The following ART3 variants were observed in gnomAD, a reference collection of about 807,000 sequenced individuals.
ART3 encodes the protein ADP-ribosyltransferase 3 (inactive), also known as ecto-ADP-ribosyltransferase 3.
A neutral mutation model predicts 48.5 loss-of-function variants in ART3; 49 were observed. That is an observed-to-expected ratio of 1.01 (90% CI 0.80 to 1.28). ART3 has a LOEUF of 1.28. ART3 is among the 50% of genes most tolerant of loss of function. The pLI, the probability that ART3 is intolerant of heterozygous loss-of-function variation, is 0.00. For synonymous variants in ART3, 145 were observed against 157.2 expected (o/e 0.92, Z 0.58); for missense variants, 438 against 454.3 (o/e 0.96, Z 0.33).
chr4:76,042,379 A>G (rs1735050629), intron 1 of ART3, among the ~76,000 whole-genome samples: 1 of 152,236 alleles, frequency 6.6e-6, no homozygotes, highest in Non-Finnish European at 1.5e-5. Context: ...GTTTCCATTT[A>G]TTATAAATAA....
chr4:76,022,434 A>G (rs1732935733), intron 1 of ART3: 2 of 1,613,230 alleles, frequency 1.2e-6, no homozygotes, highest in Non-Finnish European at 1.7e-6. Context: ...ATCTCTTCTC[A>G]CCCTTCTTTT....
rs114675180 is a variant in ART3 at position 76,084,483 on chromosome 4, G to A, written c.781+1948G>A. Among the ~76,000 whole-genome samples, 301 of 152,320 alleles carry A rather than the reference G, an allele frequency of 2.0e-3. 1 individual carries two copies. The highest frequency in any genetic ancestry group is 7.0e-3 in the African/African-American group (292 of 41,578). On this transcript the variant is annotated intron_variant, in intron 3 of 11. Coordinates refer to ENST00000355810, the MANE Select transcript of ART3 (RefSeq NM_001130016.3). ...ATTCCTCCAGTGACTTCTAGGTTCT[G>A]TAGCTGTTGTTGAAAGGTATGAAGC...
At chr4:76,100,900 A>C in intron 7 of ART3, 76 bp downstream of exon 7, 1 of 1,595,570 alleles carries the variant, frequency 6.3e-7, no homozygotes, top group Non-Finnish European at 8.6e-7. Context: ...ATATTTTCAT[A>C]TTTACTGAAA....
intron 11 of ART3, 133 bp from the exon 12 acceptor site, chr4:76,112,253 G>T (rs1300387339): frequency 6.2e-6 from 7 of 1,123,012 alleles, no homozygotes; most frequent in Non-Finnish European, 6.2e-6. Context: ...AATTGCTTTT[G>T]GCTGGAAGTA....
At chr4:76,056,978 C>T (rs1001143088) in intron 1 of ART3, among the ~76,000 whole-genome samples, 1 of 96,626 alleles carries the variant, frequency 1.0e-5, no homozygotes, top group African/African-American at 4.0e-5. Context: ...ACTATTAATT[C>T]TTTAAAAATT....
intron 1 of ART3, among the ~76,000 whole-genome samples, chr4:76,020,519 G>A (rs1203888824): frequency 6.6e-6 from 1 of 152,224 alleles, no homozygotes; most frequent in Non-Finnish European, 1.5e-5. Context: ...AGAGGAAGAA[G>A]TAGTATAGAA....
chr4:76,035,307 TGCAAAGACAGC>T, intron 1 of ART3: 1 of 1,614,074 alleles, frequency 6.2e-7, no homozygotes, highest in Non-Finnish European at 8.5e-7. Flanking sequence ...CCAGGGCCTA[TGCAAAGACAGC>T]GTCCTCTTTT....
intron 1 of ART3, among the ~76,000 whole-genome samples, chr4:76,067,335 G>A (rs999040504): frequency 3.9e-5 from 6 of 152,210 alleles, no homozygotes; most frequent in Non-Finnish European, 7.3e-5. Context: ...CCCGCCAAGG[G>A]CAAAGGAGTG....
intron 1 of ART3, among the ~76,000 whole-genome samples, chr4:76,057,109 A>T (rs1397302705): frequency 1.3e-5 from 2 of 152,140 alleles, no homozygotes; most frequent in African/African-American, 4.8e-5. Context: ...TTGGCATGAA[A>T]ACTACAAAAT....
intron 1 of ART3, among the ~76,000 whole-genome samples, chr4:76,053,939 G>A (rs768022757): frequency 5.3e-5 from 8 of 152,208 alleles, no homozygotes; most frequent in East Asian, 1.9e-4. Context: ...GACTGCACTC[G>A]ACAACTGCCA....
intron 1 of ART3, chr4:76,034,697 C>A: frequency 1.1e-6 from 1 of 946,752 alleles, no homozygotes; most frequent in Admixed American, 2.5e-5. Context: ...GTCTCAGTTT[C>A]CTACTGTAGA....
At chr4:76,052,274 T>TAC in intron 1 of ART3, among the ~76,000 whole-genome samples, 3 of 152,180 alleles carry the variant, frequency 2.0e-5, no homozygotes, top group African/African-American at 7.2e-5. Context: ...GTCTGGTATT[T>TAC]GAGAATGAGA....
intron 1 of ART3, among the ~76,000 whole-genome samples, chr4:76,028,309 C>T (rs925971543): frequency 5.3e-5 from 8 of 152,252 alleles, no homozygotes; most frequent in Middle Eastern, 3.4e-3. Context: ...ATTTTTGCAA[C>T]GTTTATGGTA....
intron 3 of ART3, among the ~76,000 whole-genome samples, chr4:76,083,668 A>G (rs1237489545): frequency 6.6e-6 from 1 of 152,222 alleles, no homozygotes; most frequent in African/African-American, 2.4e-5. Context: ...AAGAAAGTAA[A>G]GGGGATGACA....
upstream of ART3, among the ~76,000 whole-genome samples, chr4:76,071,663 A>C (rs911640109): frequency 1.3e-5 from 2 of 152,194 alleles, no homozygotes; most frequent in African/African-American, 4.8e-5. Context: ...ACCTATCAGA[A>C]GCTTTTAACA....
chr4:76,040,446 A>ACATACG, intron 1 of ART3, among the ~76,000 whole-genome samples: 1 of 138,588 alleles, frequency 7.2e-6, no homozygotes. Flanking sequence ...ATACACACAC[A>ACATACG]CACACACACA....
At chr4:76,050,287 G>A (rs7376863) in intron 1 of ART3, among the ~76,000 whole-genome samples, 88,691 of 151,586 alleles carry the variant, frequency 0.59, 26,780 homozygotes, top group East Asian at 0.94. Flanking sequence ...TGAGTGGTCT[G>A]TTTTGACAGG....
At chr4:76,012,677 A>G (rs1287339311) in intron 1 of ART3, among the ~76,000 whole-genome samples, 2 of 152,246 alleles carry the variant, frequency 1.3e-5, no homozygotes, top group African/African-American at 2.4e-5. Context: ...GAGCATGTTA[A>G]GGACATGATG....
intron 1 of ART3, among the ~76,000 whole-genome samples, chr4:76,040,254 G>C (rs750909968): frequency 6.2e-4 from 95 of 152,218 alleles, no homozygotes; most frequent in East Asian, 1.2e-3. Flanking sequence ...GAACCCAGAA[G>C]GCGGAAGTTG....
Sources: gnomAD v4.1 joint callset for allele counts (sites outside exome capture counted in the v4.1 genomes callset) on GRCh38, gnomAD v4.1.1 for gene constraint, MANE v1.5 for transcripts, NCBI Gene and HGNC (gene_info 2026-07-23, HGNC 2026-07-21) for gene names.